ANO10: variants seen among roughly 807,000 people sequenced by gnomAD.
ANO10 encodes the protein anoctamin-10.
Under a neutral mutation model 74.7 loss-of-function variants are expected in ANO10, and 77 were observed. The ratio of observed to expected loss-of-function variants is 1.03; its 90% CI spans 0.86 to 1.25. The LOEUF is 1.25. ANO10 is among the 50% of genes most tolerant of loss of function. The pLI, the probability that ANO10 is intolerant of heterozygous loss-of-function variation, is 0.00. For synonymous variants in ANO10, 279 were observed against 284.9 expected, an observed-to-expected ratio of 0.98 and a Z score of 0.21; for missense variants, 721 against 778.1, an observed-to-expected ratio of 0.93 and a Z score of 0.87.
chr3:43,547,169 A>G (rs1008266769), intron 11 of ANO10, among the ~76,000 whole-genome samples: 3 of 152,246 alleles, frequency 2.0e-5, no homozygotes, highest in African/African-American at 7.2e-5. Context: ...GAAAAAGACT[A>G]TCATCCATGA....
At chr3:43,517,180 C>G (rs1026804382) in intron 11 of ANO10, among the ~76,000 whole-genome samples, 5 of 152,108 alleles carry the variant, frequency 3.3e-5, no homozygotes, top group Non-Finnish European at 4.4e-5. Context: ...ATGTTTTACA[C>G]AAAACAATTT....
upstream of ANO10, among the ~76,000 whole-genome samples, chr3:43,622,600 A>C (rs2083444275): frequency 6.6e-6 from 1 of 152,154 alleles, no homozygotes; most frequent in Non-Finnish European, 1.5e-5. Context: ...GCCAAATCCC[A>C]AAACCCTTGC....
At chr3:43,500,941 A>G (rs1002664318) in intron 11 of ANO10, among the ~76,000 whole-genome samples, 7 of 152,194 alleles carry the variant, frequency 4.6e-5, no homozygotes, top group African/African-American at 1.7e-4. Context: ...TAACACAGGT[A>G]TGTAAGAGGG....
At chr3:43,525,647 TAG>T (rs2078162648) in intron 11 of ANO10, among the ~76,000 whole-genome samples, 1 of 152,222 alleles carries the variant, frequency 6.6e-6, no homozygotes, top group Non-Finnish European at 1.5e-5. Context: ...GTAAATGGGA[TAG>T]AGTTATTAGG....
At chr3:43,621,247 C>T (rs1474539087) in intron 1 of ANO10, among the ~76,000 whole-genome samples, 3 of 152,128 alleles carry the variant, frequency 2.0e-5, no homozygotes, top group Admixed American at 2.0e-4. Flanking sequence ...TCAGACGCTG[C>T]CTATAGGGGA....
At chr3:43,494,166 A>G (rs1279157418) in intron 11 of ANO10, among the ~76,000 whole-genome samples, 1 of 152,236 alleles carries the variant, frequency 6.6e-6, no homozygotes, top group Non-Finnish European at 1.5e-5. Flanking sequence ...AATAATTAGT[A>G]TAAGTGGCCA....
chr3:43,381,020 C>T (rs531255132), intron 12 of ANO10, among the ~76,000 whole-genome samples: 214 of 152,194 alleles, frequency 1.4e-3, no homozygotes, highest in Non-Finnish European at 1.7e-3. Context: ...GAGAGAGAAG[C>T]GCCGAGCAAA....
chr3:43,528,677 G>A (rs1240605485), intron 11 of ANO10, among the ~76,000 whole-genome samples: 1 of 152,008 alleles, frequency 6.6e-6, no homozygotes, highest in African/African-American at 2.4e-5. Context: ...AAATGACAAG[G>A]AAGACAGGCA....
chr3:43,656,526 G>A (rs1037427255), intron 1 of ANO10, among the ~76,000 whole-genome samples: 3 of 152,236 alleles, frequency 2.0e-5, no homozygotes, highest in Non-Finnish European at 2.9e-5. Flanking sequence ...CATGGAGGGG[G>A]TGGGAGGCTC....
chr3:43,668,024 A>G (rs1483351176), intron 1 of ANO10, among the ~76,000 whole-genome samples: 3 of 152,068 alleles, frequency 2.0e-5, no homozygotes, highest in Non-Finnish European at 4.4e-5. Context: ...TGTTTTTCAT[A>G]GTTGTACTAA....
At chr3:43,658,635 AT>A (rs555972356) in intron 1 of ANO10, among the ~76,000 whole-genome samples, 156 of 151,970 alleles carry the variant, frequency 1.0e-3, no homozygotes, top group Non-Finnish European at 8.7e-4. Flanking sequence ...AGCCCAGCTA[AT>A]TTTTTGTATT....
chr3:43,691,255 G>T (rs1364482001), intron 1 of ANO10: 1 of 411,418 alleles, frequency 2.4e-6, no homozygotes, highest in African/African-American at 2.1e-5. Flanking sequence ...GGGCCCCGAG[G>T]TGTCTGAGCC....
At chr3:43,594,390 A>C (rs777876876) in intron 4 of ANO10, among the ~76,000 whole-genome samples, 56 of 152,376 alleles carry the variant, frequency 3.7e-4, no homozygotes, top group Non-Finnish European at 5.6e-4. Context: ...ATGAAAAAGA[A>C]CAGAAATTAT....
intron 2 of ANO10, among the ~76,000 whole-genome samples, chr3:43,601,169 A>G (rs189849157): frequency 6.6e-6 from 1 of 152,208 alleles, no homozygotes; most frequent in Non-Finnish European, 1.5e-5. Flanking sequence ...TTATTACTTA[A>G]AAGATTATAA....
intron 11 of ANO10, among the ~76,000 whole-genome samples, chr3:43,433,682 A>G (rs1406010410): frequency 6.6e-6 from 1 of 152,152 alleles, no homozygotes; most frequent in Non-Finnish European, 1.5e-5. Context: ...TAATGATATG[A>G]GATGTATAAT....
chr3:43,513,542 C>G (rs1319511578), intron 11 of ANO10, among the ~76,000 whole-genome samples: 1 of 152,152 alleles, frequency 6.6e-6, no homozygotes, highest in Admixed American at 6.6e-5. Context: ...CGGAGTCTCA[C>G]TCTCTCGCCC....
At chr3:43,405,252 C>T (rs1313175928) in intron 12 of ANO10, among the ~76,000 whole-genome samples, 1 of 152,144 alleles carries the variant, frequency 6.6e-6, no homozygotes, top group Non-Finnish European at 1.5e-5. Flanking sequence ...ACCTGAGTCC[C>T]AAGCAATCCC....
chr3:43,508,341 TTAGAAAATG>T (rs1469919215), intron 11 of ANO10, among the ~76,000 whole-genome samples: 1 of 152,142 alleles, frequency 6.6e-6, no homozygotes, highest in East Asian at 1.9e-4. Flanking sequence ...AAAAAAATCA[TTAGAAAATG>T]GGCAAAAACT....
intron 2 of ANO10, among the ~76,000 whole-genome samples, chr3:43,604,551 A>T (rs2082477245): frequency 6.7e-6 from 1 of 149,372 alleles, no homozygotes; most frequent in African/African-American, 2.5e-5. Flanking sequence ...TATATTTTTT[A>T]ACCATTTTAT....
Sources: allele counts gnomAD v4.1 joint callset (sites outside exome capture counted in the v4.1 genomes callset), GRCh38; gene constraint gnomAD v4.1.1; transcripts MANE v1.5; gene names NCBI Gene and HGNC (gene_info 2026-07-23, HGNC 2026-07-21).